GALK2: variants seen among roughly 807,000 people sequenced by gnomAD.
GALK2 encodes the protein N-acetylgalactosamine kinase.
In GALK2, 36 loss-of-function variants were observed where a neutral mutation model predicts 52.4. The observed-to-expected ratio is 0.69, with a 90% CI of 0.53 to 0.91. The LOEUF (loss-of-function observed/expected upper bound fraction) is 0.91, where lower values mean the gene tolerates loss of function less well. GALK2 is among the 40% of genes least tolerant of loss of function. The pLI is 0.00. For missense variants in GALK2, 579 were observed against 559.1 expected (o/e 1.04, Z -0.36); for synonymous variants, 176 against 199.1 (o/e 0.88, Z 0.98).
intron 2 of GALK2, among the ~76,000 whole-genome samples, chr15:49,204,892 T>A (rs562782940): frequency 6.6e-6 from 1 of 152,294 alleles, no homozygotes; most frequent in African/African-American, 2.4e-5. Flanking sequence ...CATTACCTAA[T>A]TCTTATGCTT....
chr15:49,299,497 T>C (rs1448458047), intron 8 of GALK2, among the ~76,000 whole-genome samples: 2 of 152,162 alleles, frequency 1.3e-5, no homozygotes, highest in Non-Finnish European at 2.9e-5. Context: ...ATTTGAGATC[T>C]TTCTAATGTT....
intron 5 of GALK2, among the ~76,000 whole-genome samples, chr15:49,265,319 C>T (rs1463269245): frequency 6.6e-6 from 1 of 152,190 alleles, no homozygotes; most frequent in Non-Finnish European, 1.5e-5. Flanking sequence ...GCAGTTTGAT[C>T]TTATACTGCT....
chr15:49,299,730 CTTTCT>C (rs139736023), intron 8 of GALK2, among the ~76,000 whole-genome samples: 10,020 of 45,080 alleles, frequency 0.22, 792 homozygotes, highest in South Asian at 0.26. Context: ...TTCTTTCTTT[CTTTCT>C]TTTCTTTCTT....
At chr15:49,260,623 A>G (rs2092058211) in intron 5 of GALK2, among the ~76,000 whole-genome samples, 2 of 147,656 alleles carry the variant, frequency 1.4e-5, no homozygotes, top group South Asian at 2.2e-4. Context: ...TTGGTGTTTT[A>G]GACATGAAGT....
At chr15:49,192,485 G>GTATATATATGTATA (rs1555400548) in intron 1 of GALK2, among the ~76,000 whole-genome samples, 1,132 of 102,696 alleles carry the variant, frequency 0.011, 22 homozygotes, top group Non-Finnish European at 0.017. Flanking sequence ...ATATATATAT[G>GTATATATATGTATA]TATATATATA....
chr15:49,281,193 C>G (rs2032642006), intron 5 of GALK2, among the ~76,000 whole-genome samples: 1 of 152,162 alleles, frequency 6.6e-6, no homozygotes, highest in Admixed American at 6.5e-5. Flanking sequence ...AGCCAATAAA[C>G]TGGATATTGG....
rs149347133 is a variant in GALK2, at chr15:49,351,455, A to G, written c.427-16036A>G. ...GACAATGTTGATTTTTTTCTAAAAC[A>G]TGTAATTCCCATATAGTTTTTAAAA... On this transcript the variant is annotated intron_variant, in intron 3 of 3. Transcript: ENST00000558399. Among the ~76,000 whole-genome samples the G allele has an allele frequency of 1.3e-3, 199 of 152,310 alleles. 1 individual carries two copies. The highest frequency in any genetic ancestry group is 3.4e-3 in the Middle Eastern group (1 of 294).
In GALK2 at chr15:49,263,421, G is replaced by C. The variant is rs1279317748; in HGVS notation, c.505-18566G>C. ...GCCTTTTTTTGTTTTCCATTGGCTT[G>C]GTAGATCTTCCTCCATCCTTTTATT... On this transcript the variant is annotated intron_variant, in intron 5 of 9. Coordinates refer to ENST00000560031, the MANE Select transcript of GALK2 (RefSeq NM_002044.4). Among the ~76,000 whole-genome samples the C allele has an allele frequency of 9.9e-5, 11 of 110,786 alleles. No homozygotes were observed. The East Asian group carries it at 2.4e-3, about 24-fold the overall frequency. 72.7% of individuals were successfully genotyped at this position (110,786 alleles called of 152,430 possible).
chr15:49,194,580 A>G (rs541615231), intron 1 of GALK2, among the ~76,000 whole-genome samples: 61 of 149,068 alleles, frequency 4.1e-4, no homozygotes, highest in African/African-American at 1.4e-3. Context: ...CACTATTGTT[A>G]CATATTTGTT....
intron 5 of GALK2, among the ~76,000 whole-genome samples, chr15:49,265,398 G>C (rs2092322287): frequency 6.6e-6 from 1 of 152,240 alleles, no homozygotes; most frequent in Non-Finnish European, 1.5e-5. Flanking sequence ...TAATCTCCTG[G>C]TGTGCCGTTT....
At chr15:49,299,759 C>CTTTCTTTCTTTCT (rs2034892159) in intron 8 of GALK2, among the ~76,000 whole-genome samples, 1 of 113,452 alleles carries the variant, frequency 8.8e-6, no homozygotes, top group African/African-American at 3.2e-5. Context: ...TTCTTTCTTT[C>CTTTCTTTCTTTCT]TTTCTTTCTT....
At chr15:49,264,612 G>C (rs1335655525) in intron 5 of GALK2, among the ~76,000 whole-genome samples, 2 of 152,182 alleles carry the variant, frequency 1.3e-5, no homozygotes. Context: ...TCCATTGCTG[G>C]TGAGGAACTG....
intron 2 of GALK2, among the ~76,000 whole-genome samples, chr15:49,202,568 A>T (rs2087876055): frequency 6.6e-6 from 1 of 152,162 alleles, no homozygotes; most frequent in Non-Finnish European, 1.5e-5. Context: ...ATTCCATTGC[A>T]CACATACACC....
chr15:49,171,087 T>C (rs1159410868), intron 1 of GALK2, among the ~76,000 whole-genome samples: 2 of 141,312 alleles, frequency 1.4e-5, no homozygotes, highest in Admixed American at 6.8e-5. Context: ...TTTTTCTTTT[T>C]TTTTTTTTTT....
intron 8 of GALK2, among the ~76,000 whole-genome samples, chr15:49,296,013 A>G (rs2034446448): frequency 6.6e-6 from 1 of 152,032 alleles, no homozygotes; most frequent in Non-Finnish European, 1.5e-5. Flanking sequence ...CTGCCTCTCT[A>G]TGTATATATT....
intron 1 of GALK2, among the ~76,000 whole-genome samples, chr15:49,161,152 A>G (rs1363595094): frequency 6.6e-6 from 1 of 152,246 alleles, no homozygotes; most frequent in Non-Finnish European, 1.5e-5. Flanking sequence ...TTTAAATGTA[A>G]TGCCTTATTC....
intron 3 of GALK2, among the ~76,000 whole-genome samples, chr15:49,345,892 C>G (rs1320315793): frequency 6.6e-6 from 1 of 152,080 alleles, no homozygotes; most frequent in African/African-American, 2.4e-5. Flanking sequence ...AAGTACCTTG[C>G]CTTTGAGAGA....
intron 5 of GALK2, among the ~76,000 whole-genome samples, chr15:49,265,373 G>A (rs1447990522): frequency 6.6e-6 from 1 of 152,248 alleles, no homozygotes; most frequent in African/African-American, 2.4e-5. Context: ...GACCCTCTGA[G>A]CCAGGTGCAG....
intron 1 of GALK2, among the ~76,000 whole-genome samples, chr15:49,196,183 T>C (rs2087215532): frequency 6.6e-6 from 1 of 152,148 alleles, no homozygotes; most frequent in Non-Finnish European, 1.5e-5. Flanking sequence ...TGTGTCATTC[T>C]TTTTGTTTAT....
Sources: allele counts gnomAD v4.1 joint callset (sites outside exome capture counted in the v4.1 genomes callset), GRCh38; gene constraint gnomAD v4.1.1; transcripts MANE v1.5; gene names NCBI Gene and HGNC (gene_info 2026-07-23, HGNC 2026-07-21).